The following JADE1 variants were observed in gnomAD, a reference collection of about 807,000 sequenced individuals.
JADE1 encodes the protein protein Jade-1.
JADE1 carries 14 observed loss-of-function variants against 81.8 expected under a neutral mutation model. The observed-to-expected ratio is 0.17, with a 90% CI of 0.11 to 0.27. JADE1 has a LOEUF of 0.27. Ranked by LOEUF, JADE1 falls within the 10% of genes least tolerant of loss-of-function variation. The pLI is 1.00. For missense variants in JADE1, 690 were observed against 1,047.9 expected (o/e 0.66, Z 4.71); for synonymous variants, 353 against 391.9 (o/e 0.90, Z 1.17).
At chr4:128,813,504 C>T (rs866066952) in intron 1 of JADE1, among the ~76,000 whole-genome samples, 92 of 151,228 alleles carry the variant, frequency 6.1e-4, no homozygotes, top group African/African-American at 2.2e-3. Context: ...CTGCAACCTC[C>T]GCCTCCTGGG....
chr4:128,833,102 C>G (rs770414565), intron 2 of JADE1, among the ~76,000 whole-genome samples: 1 of 152,084 alleles, frequency 6.6e-6, no homozygotes, highest in Admixed American at 6.5e-5. Context: ...GGCTCCAGAG[C>G]GAAAGACCTT....
Position 128,872,982 on chromosome 4 carries a change from T to TA in JADE1, c.*721dup. 2.2e-6 allele frequency: 1 copy of TA among 450,296 alleles called. No homozygotes were observed. 27.9% of individuals were successfully genotyped at this position (450,296 alleles called of 1,614,324 possible). ...TGGGACTGGTGGAGAGTGAGACTGTTAGGAAAGTTGTATCTATGAATAAGG... is the reference window on the plus strand; with the variant it reads ...TGGGACTGGTGGAGAGTGAGACTGTTAAGGAAAGTTGTATCTATGAATAAGG... On this transcript the variant is annotated 3_prime_UTR_variant, in exon 11 of 11. Transcript: ENST00000226319.
chr4:128,867,921 G>C lies in JADE1; in HGVS notation c.1569G>C (p.Gln523His). The C allele has an allele frequency of 6.2e-7, 1 of 1,613,872 alleles. No homozygotes were observed. The highest frequency in any genetic ancestry group is 8.5e-7 in the Non-Finnish European group (1 of 1,179,806). Reference sequence around the variant, plus strand: ...TTAAACGGTCTGTGTGCAAAGTCCAGGAACAGATATTCAATCTTTACACTA... The same window carrying C: ...TTAAACGGTCTGTGTGCAAAGTCCACGAACAGATATTCAATCTTTACACTA... ...EKIKRSVCKVQEQIFNLYTKL... is the reference protein window; with the variant it reads ...EKIKRSVCKVHEQIFNLYTKL... Residue 523 changes from glutamine (Q) to histidine (H), a missense_variant, in exon 10 of 11, where the codon CAG (glutamine) becomes CAC (histidine). By Grantham distance (24) the Gln-to-His change is conservative. Around this residue, in one of 8 missense-constraint regions of JADE1, gnomAD observed 86 missense variants for 95.4 expected, o/e 0.90. Transcript: ENST00000226319.
At chr4:128,840,026 G>C (rs539306424) in intron 2 of JADE1, among the ~76,000 whole-genome samples, 3 of 152,198 alleles carry the variant, frequency 2.0e-5, no homozygotes, top group Admixed American at 1.3e-4. Context: ...GACTATTTTT[G>C]GGTGGACTAG....
chr4:128,864,659 C>T (rs577916224), intron 9 of JADE1: 37 of 944,010 alleles, frequency 3.9e-5, no homozygotes, highest in Non-Finnish European at 4.4e-5. Context: ...AGTTAGTTTT[C>T]TGTTTAATTC....
intron 2 of JADE1, among the ~76,000 whole-genome samples, chr4:128,834,576 C>G (rs1314262927): frequency 6.7e-6 from 1 of 149,186 alleles, no homozygotes; most frequent in Admixed American, 6.7e-5. Flanking sequence ...GCTCTGTCGC[C>G]CAGGCTGGAG....
chr4:128,827,924 T>C lies in JADE1; in HGVS notation c.-26-3809T>C, dbSNP rs958625488. On this transcript the variant is annotated intron_variant, in intron 1 of 10. Coordinates refer to ENST00000226319, the MANE Select transcript of JADE1 (RefSeq NM_199320.4). ...ACATATGTTGGTAAGTACGGTGCTC[T>C]GCCCCAAACATGCCCCTTTTTCTGG... The C allele has an allele frequency of 6.1e-6, 6 of 983,910 alleles. No homozygotes were observed. In the Admixed American group the frequency reaches 3.7e-4, roughly 60 times the overall value. The allele number at this position is 983,910 out of a possible 1,614,324, so 60.9% of individuals were successfully genotyped here. A position where few individuals can be genotyped will look rare whatever the true frequency, so the allele number is the denominator to read the frequency against.
At chr4:128,863,767 A>G (rs1731565361) in intron 9 of JADE1, 1 of 985,318 alleles carries the variant, frequency 1.0e-6, no homozygotes, top group Non-Finnish European at 1.2e-6. Context: ...GATAAACTGG[A>G]ATCCTGGTAA....
In JADE1 at chr4:128,831,801, G is replaced by A. The variant is rs1235942435; in HGVS notation, c.43G>A (p.Asp15Asn). Residue 15 changes from aspartate (D) to asparagine (N), a missense_variant, in exon 2 of 11, where the codon GAC (aspartate) becomes AAC (asparagine). Around this residue, in one of 8 missense-constraint regions of JADE1, gnomAD observed 59 missense variants for 52.8 expected, o/e 1.12. Transcript: ENST00000226319. Reference sequence around the variant, plus strand: ...TCCCAGCAGCAGTGAGGATTCTGACGACAATGGCAGTAAGTCCTGCTTTGT... The same window carrying A: ...TCCCAGCAGCAGTGAGGATTCTGACAACAATGGCAGTAAGTCCTGCTTTGT... ...RLPSSSEDSD[D>N]NGSLSTTWSQ... The A allele has an allele frequency of 4.3e-6, 7 of 1,613,996 alleles. No individual in the cohort carries two copies. Among genetic ancestry groups the A allele is most frequent in the Non-Finnish European group, 5.9e-6 (7 of 1,179,852 alleles).
chr4:128,814,634 T>C (rs1054714432), intron 1 of JADE1, among the ~76,000 whole-genome samples: 2 of 150,560 alleles, frequency 1.3e-5, no homozygotes, highest in African/African-American at 4.9e-5. Flanking sequence ...TGGTGGGATC[T>C]CACTGCAACC....
chr4:128,842,167 C>T (rs528235549), intron 2 of JADE1, among the ~76,000 whole-genome samples: 38 of 152,226 alleles, frequency 2.5e-4, no homozygotes, highest in Non-Finnish European at 4.3e-4. Context: ...TAGCTATTTA[C>T]TACACCATAG....
intron 8 of JADE1, among the ~76,000 whole-genome samples, chr4:128,859,298 GTA>G (rs1168754727): frequency 1.3e-5 from 2 of 151,896 alleles, no homozygotes; most frequent in Non-Finnish European, 2.9e-5. Flanking sequence ...GTGTATGTGT[GTA>G]TGCATGTGTA....
At chr4:128,867,332 A>T (rs1731855244) in intron 9 of JADE1, among the ~76,000 whole-genome samples, 1 of 152,226 alleles carries the variant, frequency 6.6e-6, no homozygotes, top group African/African-American at 2.4e-5. Context: ...TTGGTCTTCC[A>T]GTGGGCCTGG....
chr4:128,839,977 A>G (rs1415293220), intron 2 of JADE1, among the ~76,000 whole-genome samples: 4 of 152,210 alleles, frequency 2.6e-5, no homozygotes, highest in Non-Finnish European at 5.9e-5. Context: ...CTTCTTCTGT[A>G]TTGTATCAAC....
chr4:128,833,518 C>T (rs188584045), intron 2 of JADE1, among the ~76,000 whole-genome samples: 29 of 152,294 alleles, frequency 1.9e-4, no homozygotes, highest in African/African-American at 6.3e-4. Context: ...TCCTGGCCAA[C>T]ATGGTGAAAC....
chr4:128,872,906 G>A lies in JADE1; in HGVS notation c.*644G>A, dbSNP rs1322495280. 2 of 456,156 alleles carry A rather than the reference G, an allele frequency of 4.4e-6. No homozygotes were observed. The highest frequency in any genetic ancestry group is 8.8e-6 in the Non-Finnish European group (2 of 226,518). 28.3% of individuals were successfully genotyped at this position (456,156 alleles called of 1,614,324 possible). ...GAGCTGCTGCAATATGGAGATTTAG[G>A]GTAATATGGCAAGGTCCTGCTGCTT... On this transcript the variant is annotated 3_prime_UTR_variant, in exon 11 of 11. Coordinates refer to ENST00000226319, the MANE Select transcript of JADE1 (RefSeq NM_199320.4).
intron 9 of JADE1, among the ~76,000 whole-genome samples, chr4:128,865,324 G>C (rs1731703768): frequency 1.3e-5 from 2 of 152,202 alleles, no homozygotes; most frequent in African/African-American, 4.8e-5. Flanking sequence ...CCAAAGGGTG[G>C]TTCTGTTTTG....
At chr4:128,848,576 T>G (rs1730075823) in intron 4 of JADE1, among the ~76,000 whole-genome samples, 1 of 152,176 alleles carries the variant, frequency 6.6e-6, no homozygotes, top group Non-Finnish European at 1.5e-5. Flanking sequence ...CTGCTGCGCC[T>G]GCCCTGCCTG....
intron 2 of JADE1, among the ~76,000 whole-genome samples, chr4:128,839,585 T>A (rs1729259300): frequency 6.6e-6 from 1 of 152,234 alleles, no homozygotes; most frequent in African/African-American, 2.4e-5. Context: ...CTTCCACTGA[T>A]CTACTTTCTG....
Sources: gnomAD v4.1 joint callset for allele counts (sites outside exome capture counted in the v4.1 genomes callset) on GRCh38, gnomAD v4.1.1 for gene constraint, gnomAD v4.1.1 regional missense constraint, MANE v1.5 for transcripts, NCBI Gene and HGNC (gene_info 2026-07-23, HGNC 2026-07-21) for gene names.